Variants in TECRL observed in about 807,000 individuals in gnomAD.
The protein encoded by TECRL is trans-2,3-enoyl-CoA reductase-like.
Under a neutral mutation model 52.8 loss-of-function variants are expected in TECRL, and 63 were observed. That is an observed-to-expected ratio of 1.19 (90% CI 0.97 to 1.47). The LOEUF is 1.47. TECRL is among the 40% of genes most tolerant of loss of function. TECRL has a pLI of 0.00. For synonymous variants in TECRL, 164 were observed against 141.9 expected (o/e 1.16, Z -1.10); for missense variants, 482 against 429.6 (o/e 1.12, Z -1.08).
At chr4:64,280,523 C>T (rs537759491) in intron 11 of TECRL, among the ~76,000 whole-genome samples, 1 of 152,206 alleles carries the variant, frequency 6.6e-6, no homozygotes, top group East Asian at 1.9e-4. Flanking sequence ...TATTCCTCTA[C>T]ATGCACATAA....
At position 64,314,675 on chromosome 4, in the gene TECRL, G is replaced by A; in HGVS notation, c.524C>T (p.Ala175Val). 6.3e-7 allele frequency: 1 copy of A among 1,577,580 alleles called. No homozygotes were observed. Among genetic ancestry groups the A allele is most frequent in the Non-Finnish European group, 8.6e-7 (1 of 1,157,832 alleles). Residue 175 changes from alanine to valine, a missense_variant, in exon 5 of 12, where the codon GCT becomes GTT. By Grantham distance (64) the Ala-to-Val change is moderately conservative (BLOSUM62 0). Coordinates refer to ENST00000381210, the MANE Select transcript of TECRL (RefSeq NM_001010874.5). ...IPCIYDGKESARRLRHPVVHL... is the reference protein window; with the variant it reads ...IPCIYDGKESVRRLRHPVVHL... ...TACCACTGGGTGGCGTAATCTTCTAGCACTCTCTTTTCCATCATATATACA... is the reference window on the plus strand; with the variant it reads ...TACCACTGGGTGGCGTAATCTTCTAACACTCTCTTTTCCATCATATATACA...
At chr4:64,385,325 C>A (rs186321999) in intron 1 of TECRL, among the ~76,000 whole-genome samples, 2 of 152,148 alleles carry the variant, frequency 1.3e-5, no homozygotes, top group African/African-American at 4.8e-5. Flanking sequence ...TTTGGCCAGT[C>A]CCCAGACACC....
At chr4:64,320,458 C>A (rs1307137986) in intron 4 of TECRL, among the ~76,000 whole-genome samples, 1 of 151,946 alleles carries the variant, frequency 6.6e-6, no homozygotes, top group Admixed American at 6.6e-5. Flanking sequence ...AGAACTGACT[C>A]ATTTGGAGCA....
intron 2 of TECRL, among the ~76,000 whole-genome samples, chr4:64,351,182 A>T (rs1229201324): frequency 6.6e-6 from 1 of 150,980 alleles, no homozygotes. Flanking sequence ...TGGTTAATGG[A>T]TATGAATATA....
In TECRL at chr4:64,280,318, T is replaced by C. The variant is rs1722758158; in HGVS notation, c.965-119A>G. ...GTTTCTCAAATGTTGCATAATTTCTTATCAATTTTCATTATTCATACCCAT... is the reference window on the plus strand; with the variant it reads ...GTTTCTCAAATGTTGCATAATTTCTCATCAATTTTCATTATTCATACCCAT... On this transcript the variant is annotated intron_variant, in intron 11 of 11. Coordinates refer to ENST00000381210, the MANE Select transcript of TECRL (RefSeq NM_001010874.5). 6 of 864,234 alleles carry C rather than the reference T, an allele frequency of 6.9e-6. 1 individual carries two copies. The East Asian group carries it at 2.0e-4, about 28-fold the overall frequency. The allele number at this position is 864,234 out of a possible 1,614,324, so 53.5% of individuals were successfully genotyped here.
chr4:64,349,751 A>G (rs1222920631), intron 2 of TECRL, among the ~76,000 whole-genome samples: 2 of 152,200 alleles, frequency 1.3e-5, no homozygotes, highest in Non-Finnish European at 2.9e-5. Flanking sequence ...TTGAAGAGAT[A>G]ATACAGGAAT....
At chr4:64,380,810 T>C (rs1398882568) in intron 1 of TECRL, among the ~76,000 whole-genome samples, 2 of 152,102 alleles carry the variant, frequency 1.3e-5, no homozygotes, top group East Asian at 1.9e-4. Flanking sequence ...TTGAAGTATA[T>C]TGTAAGTCAG....
chr4:64,356,613 G>A (rs1720791367), intron 2 of TECRL, among the ~76,000 whole-genome samples: 2 of 152,106 alleles, frequency 1.3e-5, no homozygotes, highest in South Asian at 4.1e-4. Context: ...TTGCTCACAT[G>A]CTTTCTCGCT....
At chr4:64,293,776 T>C (rs950012202) in intron 8 of TECRL, among the ~76,000 whole-genome samples, 1 of 152,042 alleles carries the variant, frequency 6.6e-6, no homozygotes, top group Non-Finnish European at 1.5e-5. Context: ...TAGCCATCAA[T>C]TAGTCAGGCT....
intron 2 of TECRL, among the ~76,000 whole-genome samples, chr4:64,366,500 T>C (rs1721606468): frequency 6.6e-6 from 1 of 152,118 alleles, no homozygotes; most frequent in African/African-American, 2.4e-5. Flanking sequence ...GAGAAAATAT[T>C]TGCAAACTAT....
intron 2 of TECRL, among the ~76,000 whole-genome samples, chr4:64,337,823 G>C (rs980118598): frequency 3.9e-5 from 6 of 152,264 alleles, no homozygotes; most frequent in Admixed American, 6.5e-5. Flanking sequence ...CTCATGGATA[G>C]GAAGAATCAA....
chr4:64,319,634 T>C (rs1263520962), intron 4 of TECRL, among the ~76,000 whole-genome samples: 6 of 151,850 alleles, frequency 4.0e-5, no homozygotes, highest in African/African-American at 7.2e-5. Flanking sequence ...AAAAAGTTCA[T>C]ACAAATACCC....
chr4:64,353,183 T>G (rs73230423), intron 2 of TECRL, among the ~76,000 whole-genome samples: 202 of 152,278 alleles, frequency 1.3e-3, no homozygotes, highest in African/African-American at 4.8e-3. Flanking sequence ...AGTGAAGATA[T>G]AAACACAGAA....
At chr4:64,316,944 C>A (rs1156733089) in intron 4 of TECRL, among the ~76,000 whole-genome samples, 1 of 152,090 alleles carries the variant, frequency 6.6e-6, no homozygotes, top group Non-Finnish European at 1.5e-5. Flanking sequence ...GTCTTTGAAA[C>A]CTCAGTGGAA....
At chr4:64,377,158 G>A (rs963053081) in intron 1 of TECRL, among the ~76,000 whole-genome samples, 2 of 151,940 alleles carry the variant, frequency 1.3e-5, no homozygotes, top group Non-Finnish European at 2.9e-5. Context: ...ATTTTCATTT[G>A]ACTTTCACTT....
At chr4:64,320,705 C>T (rs1432244073) in intron 4 of TECRL, among the ~76,000 whole-genome samples, 1 of 151,992 alleles carries the variant, frequency 6.6e-6, no homozygotes, top group African/African-American at 2.4e-5. Context: ...AACAGAGTTC[C>T]CTTTTCGTTG....
intron 8 of TECRL, among the ~76,000 whole-genome samples, chr4:64,292,945 A>C (rs1004445612): frequency 6.6e-6 from 1 of 152,092 alleles, no homozygotes; most frequent in Non-Finnish European, 1.5e-5. Flanking sequence ...AATAAAAAAA[A>C]TTTAAATGAA....
In TECRL at chr4:64,383,838, T is replaced by G. The variant is rs550313424; in HGVS notation, c.235-8615A>C. On this transcript the variant is annotated intron_variant, in intron 1 of 11. Coordinates refer to ENST00000381210, the MANE Select transcript of TECRL (RefSeq NM_001010874.5). ...GCCTCAATATGCTGATATCTGCAGA[T>G]CTGATGTAACAGTTGCTTCTTCTAA... Among the ~76,000 whole-genome samples the G allele has an allele frequency of 2.6e-5, 4 of 152,240 alleles. No individual in the cohort carries two copies. In the East Asian group the frequency reaches 7.8e-4, roughly 30 times the overall value.
chr4:64,339,680 C>T (rs1015438631), intron 2 of TECRL, among the ~76,000 whole-genome samples: 4 of 152,016 alleles, frequency 2.6e-5, no homozygotes, highest in African/African-American at 9.7e-5. Context: ...CTACTCAAAT[C>T]TGAAGATTCT....
Sources: allele counts gnomAD v4.1 joint callset (sites outside exome capture counted in the v4.1 genomes callset), GRCh38; gene constraint gnomAD v4.1.1; transcripts MANE v1.5; gene names NCBI Gene and HGNC (gene_info 2026-07-23, HGNC 2026-07-21).